Variants in SNAPC1 observed in about 807,000 individuals in gnomAD.
The protein encoded by SNAPC1 is small nuclear RNA activating complex polypeptide 1.
In SNAPC1, 42 loss-of-function variants were observed where a neutral mutation model predicts 50.1. The ratio of observed to expected loss-of-function variants is 0.84; its 90% CI spans 0.65 to 1.08. The LOEUF (loss-of-function observed/expected upper bound fraction) is 1.08. SNAPC1 is among the 50% of genes least tolerant of loss of function. The pLI, the probability that SNAPC1 is intolerant of heterozygous loss-of-function variation, is 0.00. For missense variants in SNAPC1, 477 were observed against 427.3 expected (o/e 1.12, Z -1.02); for synonymous variants, 164 against 144.2 (o/e 1.14, Z -0.98).
rs147667781 is a variant in SNAPC1 at position 61,778,868 on chromosome 14, A to G, written c.783A>G (p.Ser261=). Residue 261 remains serine (S), a synonymous_variant, in exon 7 of 10, where the codon TCA becomes TCG. Coordinates refer to ENST00000216294, the MANE Select transcript of SNAPC1 (RefSeq NM_003082.4). The part of the protein sequence containing the change: ...QETERCERAE[S]LAKIKSKAFS... ...TCCAGAGATGTGAAAGGGCAGAATC[A>G]TTAGCGAAAATAAAATCAAAGGCCT... The G allele has an allele frequency of 1.3e-5, 20 of 1,560,756 alleles. No homozygotes were observed. In the African/African-American group the frequency reaches 2.7e-4, roughly 21 times the overall value.
At chr14:61,774,677 T>C (rs2045021564) in intron 4 of SNAPC1, among the ~76,000 whole-genome samples, 1 of 127,328 alleles carries the variant, frequency 7.9e-6, no homozygotes, top group Admixed American at 8.9e-5. Context: ...TTTTTTTTTT[T>C]TGAGAGGCAG....
intron 8 of SNAPC1, among the ~76,000 whole-genome samples, chr14:61,786,758 C>T (rs1375113652): frequency 1.3e-5 from 2 of 152,176 alleles, no homozygotes; most frequent in African/African-American, 2.4e-5. Context: ...AAAAGGTAAA[C>T]GTGTACTTAC....
At chr14:61,762,831 T>C (rs7153164) in intron 1 of SNAPC1, among the ~76,000 whole-genome samples, 52,661 of 151,398 alleles carry the variant, frequency 0.35, 9,629 homozygotes, top group African/African-American at 0.45. Flanking sequence ...GCCTCCCTTC[T>C]AAACTCCTCT....
Position 61,795,407 on chromosome 14 carries a change from A to G in SNAPC1, c.*424A>G, listed in dbSNP as rs926705330. On this transcript the variant is annotated 3_prime_UTR_variant, in exon 10 of 10. Transcript: ENST00000216294. ...TCTACAGTCGGATAATGGATTTTTT[A>G]TTTTGTATATTTATTCTATTTTGTA... The G allele has an allele frequency of 6.6e-6, 1 of 152,442 alleles. No homozygotes were observed. The highest frequency in any genetic ancestry group is 2.4e-5 in the African/African-American group (1 of 41,386). The allele number at this position is 152,442 out of a possible 1,614,324, so 9.4% of individuals were successfully genotyped here. A position where few individuals can be genotyped will look rare whatever the true frequency, so the allele number is the denominator to read the frequency against.
intron 4 of SNAPC1, among the ~76,000 whole-genome samples, chr14:61,771,289 T>TA (rs1488097193): frequency 6.6e-6 from 1 of 152,238 alleles, no homozygotes; most frequent in Non-Finnish European, 1.5e-5. Flanking sequence ...TAGGGGTTTT[T>TA]ATCCGTGATT....
rs2044952309 is a variant in SNAPC1, at chr14:61,766,934, T to C, written c.187T>C (p.Trp63Arg). 1 of 1,611,804 alleles carries C rather than the reference T, an allele frequency of 6.2e-7. No individual in the cohort carries two copies. Among genetic ancestry groups the C allele is most frequent in the Non-Finnish European group, 8.5e-7 (1 of 1,178,104 alleles). Reference protein sequence around the residue: ...MFTKEALALAWRYFLPPYTFQ... With the variant: ...MFTKEALALARRYFLPPYTFQ... ...TACAAAAGAAGCTTTAGCTTTGGCT[T>C]GGCGATATTTTTTACCTCCATACAC... The change falls in exon 2 of 10, where the codon TGG becomes CGG. Residue 63 changes from tryptophan to arginine, a missense_variant. Trp to Arg is a moderately radical substitution (Grantham distance 101). Coordinates refer to ENST00000216294, the MANE Select transcript of SNAPC1 (RefSeq NM_003082.4).
intron 7 of SNAPC1, among the ~76,000 whole-genome samples, chr14:61,781,882 C>G (rs946633307): frequency 6.6e-6 from 1 of 152,222 alleles, no homozygotes; most frequent in African/African-American, 2.4e-5. Flanking sequence ...ATGGCCAAAC[C>G]TGGAGCCAAG....
rs758584183 is a variant in SNAPC1 at position 61,778,889 on chromosome 14, G to A, written c.804G>A (p.Lys268=). 4 of 1,557,504 alleles carry A rather than the reference G, an allele frequency of 2.6e-6. No homozygotes were observed. The Admixed American group carries it at 8.4e-5, about 33-fold the overall frequency. ...AATCATTAGCGAAAATAAAATCAAA[G>A]GCCTTTTCAGTTGTCATACAGGTAA... The part of the protein sequence containing the change: ...RAESLAKIKS[K]AFSVVIQASK... Residue 268 remains lysine, a synonymous_variant, in exon 7 of 10, where the codon AAG becomes AAA. Coordinates refer to ENST00000216294, the MANE Select transcript of SNAPC1 (RefSeq NM_003082.4).
chr14:61,764,053 G>A lies in SNAPC1; in HGVS notation c.128+1465G>A, dbSNP rs2044929479. On this transcript the variant is annotated intron_variant, in intron 1 of 9. Transcript: ENST00000216294. ...GGGTTCAAGAGATTCTCCTGCCTCA[G>A]CCTCCCGAGTAGCTGGGACTACGGC... 1.3e-5 allele frequency among the ~76,000 whole-genome samples: 2 copies of A among 152,092 alleles called. 1 individual carries two copies. Among genetic ancestry groups the A allele is most frequent in the South Asian group, 4.1e-4 (2 of 4,838 alleles).
chr14:61,769,918 T>C (rs1292597214), intron 4 of SNAPC1, among the ~76,000 whole-genome samples: 1 of 152,182 alleles, frequency 6.6e-6, no homozygotes, highest in Non-Finnish European at 1.5e-5. Flanking sequence ...ATCAATGATA[T>C]TTCAAAAGAA....
chr14:61,764,867 G>A (rs2044935201), intron 1 of SNAPC1, among the ~76,000 whole-genome samples: 1 of 152,126 alleles, frequency 6.6e-6, no homozygotes, highest in Non-Finnish European at 1.5e-5. Context: ...GACCCAAAAT[G>A]TCCTCCTACT....
chr14:61,788,464 T>C (rs1298148305), intron 8 of SNAPC1, among the ~76,000 whole-genome samples: 6 of 152,168 alleles, frequency 3.9e-5, no homozygotes, highest in South Asian at 2.1e-4. Context: ...ACTATTAAAA[T>C]TTCTAATTGT....
chr14:61,772,629 A>G (rs2045000472), intron 4 of SNAPC1, among the ~76,000 whole-genome samples: 1 of 152,164 alleles, frequency 6.6e-6, no homozygotes, highest in Non-Finnish European at 1.5e-5. Context: ...AGCTTGGGTG[A>G]TCTTCCTACC....
At position 61,769,356 on chromosome 14, in the gene SNAPC1, G is replaced by C. The variant is rs1418874220; in HGVS notation, c.534+616G>C. On this transcript the variant is annotated intron_variant, in intron 4 of 9. Coordinates refer to ENST00000216294, the MANE Select transcript of SNAPC1 (RefSeq NM_003082.4). ...GGGCAACAGAGCAAGATTCCGTTTT[G>C]AAAAACAAAAAAACCAATGTGCATT... is the stretch of plus-strand genomic sequence containing the variant. Among the ~76,000 whole-genome samples, 3 of 140,008 alleles carry C rather than the reference G, an allele frequency of 2.1e-5. No homozygotes were observed. In the Admixed American group the frequency reaches 2.2e-4, roughly 10 times the overall value. 91.9% of individuals were successfully genotyped at this position (140,008 alleles called of 152,430 possible).
chr14:61,772,655 G>A (rs2045000742), intron 4 of SNAPC1, among the ~76,000 whole-genome samples: 1 of 152,248 alleles, frequency 6.6e-6, no homozygotes, highest in Non-Finnish European at 1.5e-5. Context: ...CTCCCACAGT[G>A]CTGGGATTAT....
chr14:61,779,275 T>C (rs1344939683), intron 7 of SNAPC1, among the ~76,000 whole-genome samples: 1 of 152,210 alleles, frequency 6.6e-6, no homozygotes, highest in Non-Finnish European at 1.5e-5. Flanking sequence ...GTGTACATCT[T>C]TTTTGTTTAT....
At chr14:61,777,839 C>T (rs767001780) in intron 5 of SNAPC1, among the ~76,000 whole-genome samples, 1 of 152,090 alleles carries the variant, frequency 6.6e-6, no homozygotes, top group Non-Finnish European at 1.5e-5. Flanking sequence ...TTCTTACTAC[C>T]ACATAAAGAC....
At chr14:61,779,350 T>C (rs1290319661) in intron 7 of SNAPC1, among the ~76,000 whole-genome samples, 1 of 152,196 alleles carries the variant, frequency 6.6e-6, no homozygotes, top group African/African-American at 2.4e-5. Flanking sequence ...GAAGTTTCTG[T>C]ATTGTTTCTT....
At chr14:61,783,791 A>G (rs1208241504) in intron 8 of SNAPC1, among the ~76,000 whole-genome samples, 8 of 150,856 alleles carry the variant, frequency 5.3e-5, no homozygotes, top group African/African-American at 1.2e-4. Context: ...GCCCGCCTTG[A>G]CCTCCCAAAG....
Sources: gnomAD v4.1 joint callset for allele counts (sites outside exome capture counted in the v4.1 genomes callset) on GRCh38, gnomAD v4.1.1 for gene constraint, MANE v1.5 for transcripts, NCBI Gene and HGNC (gene_info 2026-07-23, HGNC 2026-07-21) for gene names.